Variants in EP400 observed in about 807,000 individuals in gnomAD.
EP400 encodes E1A-binding protein p400.
EP400 carries 105 observed loss-of-function variants against 354.1 expected under a neutral mutation model. The observed-to-expected ratio is 0.30, with a 90% CI of 0.25 to 0.35. EP400 has a LOEUF of 0.35. Ranked by LOEUF, EP400 falls within the 10% of genes least tolerant of loss-of-function variation. EP400 has a pLI of 1.00. For missense variants in EP400, 3,280 were observed against 4,121.0 expected, an observed-to-expected ratio of 0.80 and a Z score of 5.59; for synonymous variants, 1,646 against 1,716.9, an observed-to-expected ratio of 0.96 and a Z score of 1.02.
In EP400 at chr12:132,062,596, G is replaced by GCAA; in HGVS notation, c.8231_8232insACA (p.Gln2748dup). On this transcript the variant is annotated inframe_insertion, in exon 47 of 53. Coordinates refer to ENST00000389561, the MANE Select transcript of EP400 (RefSeq NM_015409.5). ...AGCAGCAGCAGCAGCAGCAGCAACA[G>GCAA]CAGCAGCAGCAACAGACGACGACGA... is the stretch of plus-strand genomic sequence containing the variant. 2.7e-6 allele frequency: 4 copies of GCAA among 1,482,238 alleles called. No homozygotes were observed. Among genetic ancestry groups the GCAA allele is most frequent in the Non-Finnish European group, 3.7e-6 (4 of 1,075,524 alleles). The allele number at this position is 1,482,238 out of a possible 1,614,324, so 91.8% of individuals were successfully genotyped here. A position where few individuals can be genotyped will look rare whatever the true frequency, so the allele number is the denominator to read the frequency against.
Position 132,045,386 on chromosome 12 carries a change from C to T in EP400, c.6852C>T (p.Arg2284=), listed in dbSNP as rs779846993. The change falls in exon 38 of 53, where the codon CGC becomes CGT. Residue 2284 remains arginine, a synonymous_variant. Coordinates refer to ENST00000389561, the MANE Select transcript of EP400 (RefSeq NM_015409.5). Reference sequence around the variant, plus strand: ...TCCCTCCTCGGTCCCTGTTTGACCGCGCAACACCAGGACTTCTGAAAATTC... The same window carrying T: ...TCCCTCCTCGGTCCCTGTTTGACCGTGCAACACCAGGACTTCTGAAAATTC... The part of the protein sequence containing the change: ...AVVPPRSLFD[R]ATPGLLKIRR... 65 of 1,614,082 alleles carry T rather than the reference C, an allele frequency of 4.0e-5. No individual in the cohort carries two copies. Among genetic ancestry groups the T allele is most frequent in the East Asian group, 6.7e-5 (3 of 44,884 alleles).
rs1481515089 is a variant in EP400, at chr12:132,018,906, A to AGAAAG, written c.4277+545_4277+549dup. On this transcript the variant is annotated intron_variant, in intron 21 of 52. Transcript: ENST00000389561. The surrounding 1 kb of genome is among the most constrained non-coding windows in gnomAD (Gnocchi z 4.0). ...CCAAAATCCTATGCTTGGGTTAAAA[A>AGAAAG]GAAAGGAAAGGAAAGGAAATAGGTA... Among the ~76,000 whole-genome samples, 1 of 152,242 alleles carries AGAAAG rather than the reference A, an allele frequency of 6.6e-6. No individual in the cohort carries two copies. Among genetic ancestry groups the AGAAAG allele is most frequent in the Non-Finnish European group, 1.5e-5 (1 of 68,040 alleles).
chr12:132,004,873 C>T (rs1407771996), intron 12 of EP400, among the ~76,000 whole-genome samples: 1 of 152,162 alleles, frequency 6.6e-6, no homozygotes, highest in African/African-American at 2.4e-5. Flanking sequence ...AATGGGCAAC[C>T]ATTTTAGTTT....
Position 132,037,984 on chromosome 12 carries a change from C to T in EP400, c.6095C>T (p.Ser2032Phe), listed in dbSNP as rs780603216. 7 of 1,614,102 alleles carry T rather than the reference C, an allele frequency of 4.3e-6. No individual in the cohort carries two copies. The highest frequency in any genetic ancestry group is 5.1e-6 in the Non-Finnish European group (6 of 1,180,048). ...RTIQELFEVY[S>F]PMDDAGFPVK... is the part of the protein sequence containing the mutation. ...ATCCAGGAGCTGTTTGAAGTTTATT[C>T]TCCCATGGATGATGCTGGCTTCCCG... The change falls in exon 32 of 53, where the codon TCT (serine) becomes TTT (phenylalanine). Residue 2032 changes from serine to phenylalanine, a missense_variant. Physicochemically the swap from Ser to Phe is radical, Grantham distance 155. Coordinates refer to ENST00000389561, the MANE Select transcript of EP400 (RefSeq NM_015409.5).
At chr12:132,019,478 G>A (rs1309364313) in intron 21 of EP400, among the ~76,000 whole-genome samples, 4 of 152,134 alleles carry the variant, frequency 2.6e-5, no homozygotes, top group African/African-American at 7.2e-5. Flanking sequence ...CCAAGCTGGC[G>A]GGATTGCTTG....
At chr12:131,969,748 T>C (rs780455214) in intron 2 of EP400, among the ~76,000 whole-genome samples, 2 of 152,180 alleles carry the variant, frequency 1.3e-5, no homozygotes, top group Non-Finnish European at 2.9e-5. Flanking sequence ...ATGGGTTTTA[T>C]ACAATTGAAG....
At chr12:131,995,181 G>A (rs77570978) in intron 12 of EP400, among the ~76,000 whole-genome samples, 2 of 152,172 alleles carry the variant, frequency 1.3e-5, no homozygotes, top group Non-Finnish European at 2.9e-5. Flanking sequence ...TGCCACCTGC[G>A]TGTGTCTCCC....
chr12:132,052,121 T>C lies in EP400; in HGVS notation c.7395-1025T>C, dbSNP rs562810514. On this transcript the variant is annotated intron_variant, in intron 41 of 52. Coordinates refer to ENST00000389561, the MANE Select transcript of EP400 (RefSeq NM_015409.5). This position sits in a 1 kb window ranked among gnomAD's most constrained non-coding sequence, Gnocchi z 4.4. ...AAGAGTAATTGCTACCAACTAATGA[T>C]TAATGATATTCATAGATAATCATAT... Among the ~76,000 whole-genome samples the C allele has an allele frequency of 1.2e-4, 19 of 152,364 alleles. No individual in the cohort carries two copies. In the East Asian group the frequency reaches 2.7e-3, roughly 22 times the overall value.
intron 51 of EP400, among the ~76,000 whole-genome samples, chr12:132,071,354 C>T (rs956260263): frequency 3.3e-5 from 5 of 152,122 alleles, no homozygotes; most frequent in African/African-American, 1.2e-4. Flanking sequence ...TCCTACCTGC[C>T]TTTGACAGAT....
intron 30 of EP400, among the ~76,000 whole-genome samples, chr12:132,033,611 C>T (rs947792269): frequency 4.0e-5 from 6 of 151,646 alleles, no homozygotes; most frequent in African/African-American, 7.3e-5. Context: ...GGCTCACTGA[C>T]GCTTCTATCT....
intron 19 of EP400, among the ~76,000 whole-genome samples, chr12:132,015,151 T>A (rs1380737751): frequency 1.3e-5 from 2 of 152,126 alleles, no homozygotes; most frequent in African/African-American, 4.8e-5. Flanking sequence ...GAGTGGAGAT[T>A]TCAGGAGGGA....
chr12:132,021,403 G>A, intron 23 of EP400, 82 bp downstream of exon 23: 1 of 1,426,686 alleles, frequency 7.0e-7, no homozygotes. Context: ...TGTAGGAGGA[G>A]CCTTGCTGTC....
At position 132,047,353 on chromosome 12, in the gene EP400, A is replaced by G. The variant is rs1236058574; in HGVS notation, c.7200+1453A>G. On this transcript the variant is annotated intron_variant, in intron 39 of 52. Transcript: ENST00000389561. ...AAAAAAATTAAAGCTAAAATATTGTATTGGGGGAACCTGCCCCCGATAGTC... is the reference window on the plus strand; with the variant it reads ...AAAAAAATTAAAGCTAAAATATTGTGTTGGGGGAACCTGCCCCCGATAGTC... Among the ~76,000 whole-genome samples, 6 of 152,182 alleles carry G rather than the reference A, an allele frequency of 3.9e-5. No individual in the cohort carries two copies. The South Asian group carries it at 1.0e-3, about 26-fold the overall frequency.
intron 23 of EP400, among the ~76,000 whole-genome samples, chr12:132,022,725 A>C (rs1295014235): frequency 6.6e-6 from 1 of 152,068 alleles, no homozygotes; most frequent in East Asian, 1.9e-4. Flanking sequence ...AATTAGTATG[A>C]AGCTTTATAT....
intron 32 of EP400, among the ~76,000 whole-genome samples, chr12:132,039,860 G>A (rs1237089737): frequency 6.6e-6 from 1 of 152,188 alleles, no homozygotes; most frequent in Non-Finnish European, 1.5e-5. Context: ...GCATCATAGT[G>A]GGACCCCATC....
intron 25 of EP400, among the ~76,000 whole-genome samples, chr12:132,026,488 G>C (rs573062803): frequency 1.8e-4 from 27 of 152,334 alleles, no homozygotes; most frequent in African/African-American, 6.0e-4. Context: ...CAAGGCTGGA[G>C]TGGGGAGGGG....
rs1893151950 is a variant in EP400 at position 131,994,852 on chromosome 12, T to C, written c.2738-15T>C. On this transcript the variant is annotated splice_polypyrimidine_tract_variant and intron_variant, in intron 11 of 52. Coordinates refer to ENST00000389561, the MANE Select transcript of EP400 (RefSeq NM_015409.5). This position sits in a 1 kb window ranked among gnomAD's most constrained non-coding sequence, Gnocchi z 4.6. ...GGTGTTGCCTCTCAGTGACACTTGC[T>C]GATAACCATTTTAGTGGACGATGAA... 6.2e-7 allele frequency: 1 copy of C among 1,613,236 alleles called. No homozygotes were observed. Among genetic ancestry groups the C allele is most frequent in the Admixed American group, 1.7e-5 (1 of 59,976 alleles).
Position 132,076,334 on chromosome 12 carries a change from A to C in EP400, c.9022-182A>C, listed in dbSNP as rs554332401. 7.1e-4 allele frequency: 501 copies of C among 704,742 alleles called. 4 individuals are homozygous for C. The South Asian group carries it at 7.4e-3, about 10-fold the overall frequency. 43.7% of individuals were successfully genotyped at this position (704,742 alleles called of 1,614,324 possible). A position where few individuals can be genotyped will look rare whatever the true frequency, so the allele number is the denominator to read the frequency against. On this transcript the variant is annotated intron_variant, in intron 51 of 52. Coordinates refer to ENST00000389561, the MANE Select transcript of EP400 (RefSeq NM_015409.5). Reference sequence around the variant, plus strand: ...AATTGGGGAGGCAGTCAGTTGACTCACCATGCAGTGGAACGACTTGCTCTC... The same window carrying C: ...AATTGGGGAGGCAGTCAGTTGACTCCCCATGCAGTGGAACGACTTGCTCTC...
At position 132,045,313 on chromosome 12, in the gene EP400, G is replaced by C. The variant is rs531423283; in HGVS notation, c.6785-6G>C. On this transcript the variant is annotated splice_region_variant and splice_polypyrimidine_tract_variant and intron_variant, in intron 37 of 52. Coordinates refer to ENST00000389561, the MANE Select transcript of EP400 (RefSeq NM_015409.5). ...CTCTCTTGCTGAAGACTGCCTCTCT[G>C]TTCAGCTGCAGGCAGGAAGAAGAAG... 1 of 1,614,064 alleles carries C rather than the reference G, an allele frequency of 6.2e-7. No homozygotes were observed. Among genetic ancestry groups the C allele is most frequent in the African/African-American group, 1.3e-5 (1 of 75,062 alleles).
Sources: gnomAD v4.1 joint callset for allele counts (sites outside exome capture counted in the v4.1 genomes callset) on GRCh38, gnomAD v4.1.1 for gene constraint, Gnocchi (gnomAD v3.1) non-coding constraint, MANE v1.5 for transcripts, NCBI Gene and HGNC (gene_info 2026-07-23, HGNC 2026-07-21) for gene names.